The following DHX33 variants were observed in gnomAD, a reference collection of about 807,000 sequenced individuals.
The protein encoded by DHX33 is DEAH-box helicase 33.
Under a neutral mutation model 72.5 loss-of-function variants are expected in DHX33, and 42 were observed. That is an observed-to-expected ratio of 0.58 (90% CI 0.45 to 0.75). The LOEUF is 0.75. DHX33 is among the 30% of genes least tolerant of loss of function. The pLI, the probability that DHX33 is intolerant of heterozygous loss-of-function variation, is 0.00. For missense variants in DHX33, 842 were observed against 917.5 expected, an observed-to-expected ratio of 0.92 and a Z score of 1.06; for synonymous variants, 358 against 366.1, an observed-to-expected ratio of 0.98 and a Z score of 0.25.
At chr17:5,468,502 G>A in intron 1 of DHX33, 69 bp downstream of exon 1, 1 of 1,530,856 alleles carries the variant, frequency 6.5e-7, no homozygotes, top group Non-Finnish European at 8.8e-7. Context: ...TGAGAGGCAT[G>A]TAAGAAAAAC....
In DHX33 at chr17:5,468,866, A is replaced by G. The variant is rs1278879245; in HGVS notation, c.-7T>C. The G allele has an allele frequency of 1.3e-6, 2 of 1,551,622 alleles. No homozygotes were observed. Among genetic ancestry groups the G allele is most frequent in the Non-Finnish European group, 8.7e-7 (1 of 1,148,002 alleles). The stretch of plus-strand genomic sequence containing the variant: ...AGCCCGCCTCCTCCGGCATGTCGGG[A>G]GGGCACCGCGGCGGGAGGCGCAAGC... On this transcript the variant is annotated 5_prime_UTR_variant, in exon 1 of 12. Coordinates refer to ENST00000225296, the MANE Select transcript of DHX33 (RefSeq NM_020162.4).
At chr17:5,452,158 T>C (rs1307558484) in intron 8 of DHX33, among the ~76,000 whole-genome samples, 1 of 152,216 alleles carries the variant, frequency 6.6e-6, no homozygotes, top group Non-Finnish European at 1.5e-5. Context: ...CTTATGTATC[T>C]TCTTCATTTG....
intron 11 of DHX33, among the ~76,000 whole-genome samples, chr17:5,446,490 T>C (rs1322179422): frequency 6.6e-6 from 1 of 152,064 alleles, no homozygotes; most frequent in Non-Finnish European, 1.5e-5. Flanking sequence ...ATCTTATAGG[T>C]TGAAATGAGG....
At position 5,443,994 on chromosome 17, in the gene DHX33, A is replaced by G. The variant is rs1203968288; in HGVS notation, c.*211T>C. The G allele has an allele frequency of 7.6e-6, 4 of 528,302 alleles. No homozygotes were observed. The highest frequency in any genetic ancestry group is 3.1e-5 in the East Asian group (1 of 32,718). The allele number at this position is 528,302 out of a possible 1,614,324, so 32.7% of individuals were successfully genotyped here. On this transcript the variant is annotated 3_prime_UTR_variant, in exon 12 of 12. Transcript: ENST00000225296. ...AAGTCACCCAGTAAGAACCAAAAGC[A>G]TAATTTTGAGGTTTCCAGGTACAAA... is the stretch of plus-strand genomic sequence containing the variant.
intron 1 of DHX33, among the ~76,000 whole-genome samples, chr17:5,467,772 C>G (rs1446686062): frequency 6.6e-6 from 1 of 152,152 alleles, no homozygotes; most frequent in Admixed American, 6.5e-5. Flanking sequence ...GTGATAAGCC[C>G]CCTCACCCTA....
intron 11 of DHX33, among the ~76,000 whole-genome samples, chr17:5,445,586 C>T (rs925013336): frequency 5.3e-5 from 8 of 152,234 alleles, no homozygotes; most frequent in African/African-American, 1.4e-4. Context: ...CGCCCCTGGG[C>T]ACAGATGAAC....
At chr17:5,447,003 G>A (rs1018895877) in intron 11 of DHX33, among the ~76,000 whole-genome samples, 1 of 152,232 alleles carries the variant, frequency 6.6e-6, no homozygotes, top group Non-Finnish European at 1.5e-5. Context: ...GGCTGTGACT[G>A]TCTCCCAGCA....
rs1467190031 is a variant in DHX33 at position 5,468,684 on chromosome 17, G to A, written c.176C>T (p.Ser59Leu). 5 of 1,612,308 alleles carry A rather than the reference G, an allele frequency of 3.1e-6. No homozygotes were observed. The highest frequency in any genetic ancestry group is 4.2e-6 in the Non-Finnish European group (5 of 1,179,630). The change falls in exon 1 of 12, where the codon TCG (serine) becomes TTG (leucine). Residue 59 changes from serine (S) to leucine (L), a missense_variant. Physicochemically the swap from Ser to Leu is moderately radical, Grantham distance 145. Transcript: ENST00000225296. ...CACAGCTTCAGGGTAGGGACTGGCC[G>A]AGGGCTGGGCCAGGGGCGGCTGCTG... ...RRQQPPLAQPSASPYPEAVEL... is the reference protein window; with the variant it reads ...RRQQPPLAQPLASPYPEAVEL...
intron 4 of DHX33, among the ~76,000 whole-genome samples, chr17:5,459,296 C>T (rs1442200672): frequency 6.6e-6 from 1 of 151,824 alleles, no homozygotes; most frequent in Non-Finnish European, 1.5e-5. Flanking sequence ...AAATTTTATA[C>T]AAATTAAACA....
Position 5,456,409 on chromosome 17 carries a change from G to T in DHX33, c.850-227C>A, listed in dbSNP as rs550463154. On this transcript the variant is annotated intron_variant, in intron 4 of 11. Transcript: ENST00000225296. Reference sequence around the variant, plus strand: ...CGCCTGTAAACCCAGCACTTTGGGAGGCTGAGGCGGGAGGATCGTTTGCAG... The same window carrying T: ...CGCCTGTAAACCCAGCACTTTGGGATGCTGAGGCGGGAGGATCGTTTGCAG... Among the ~76,000 whole-genome samples, 16 of 152,328 alleles carry T rather than the reference G, an allele frequency of 1.1e-4. No homozygotes were observed. In the South Asian group the frequency reaches 3.3e-3, roughly 32 times the overall value.
In DHX33 at chr17:5,453,988, G is replaced by A. The variant is rs748116727; in HGVS notation, c.1148-8C>T. ...ACACCTCAAGACCACTGTCTGGATGGAGAGTGAGCCCCATTAGTGCTTCAT... is the reference window on the plus strand; with the variant it reads ...ACACCTCAAGACCACTGTCTGGATGAAGAGTGAGCCCCATTAGTGCTTCAT... On this transcript the variant is annotated splice_polypyrimidine_tract_variant and splice_region_variant and intron_variant, in intron 6 of 11. Coordinates refer to ENST00000225296, the MANE Select transcript of DHX33 (RefSeq NM_020162.4). 1.2e-6 allele frequency: 2 copies of A among 1,612,594 alleles called. No individual in the cohort carries two copies. Among genetic ancestry groups the A allele is most frequent in the African/African-American group, 1.3e-5 (1 of 74,908 alleles).
chr17:5,455,210 A>G lies in DHX33; in HGVS notation c.1097T>C (p.Ile366Thr). The change falls in exon 6 of 12, where the codon ATA (isoleucine) becomes ACA (threonine). Residue 366 changes from isoleucine to threonine, a missense_variant. Transcript: ENST00000225296. Reference protein sequence around the residue: ...IAETSITITGIKYVVDTGMVK... With the variant: ...IAETSITITGTKYVVDTGMVK... ...CATGCCCGTGTCAACTACATATTTT[A>G]TTCCTGTAATGGTTATGGAGGTTTC... 6.2e-7 allele frequency: 1 copy of G among 1,614,160 alleles called. No homozygotes were observed. The highest frequency in any genetic ancestry group is 8.5e-7 in the Non-Finnish European group (1 of 1,180,038).
intron 11 of DHX33, among the ~76,000 whole-genome samples, chr17:5,445,359 G>A (rs1049308991): frequency 2.0e-5 from 3 of 152,202 alleles, no homozygotes; most frequent in South Asian, 2.1e-4. Flanking sequence ...GATTACAGGC[G>A]TGAGCCACCG....
chr17:5,451,023 C>T, intron 8 of DHX33, 89 bp from the exon 9 acceptor site: 2 of 1,489,082 alleles, frequency 1.3e-6, no homozygotes, highest in Non-Finnish European at 1.8e-6. Flanking sequence ...TCTGATAATT[C>T]TACATCAAAC....
At chr17:5,468,130 C>T (rs1904959213) in intron 1 of DHX33, among the ~76,000 whole-genome samples, 1 of 152,264 alleles carries the variant, frequency 6.6e-6, no homozygotes, top group South Asian at 2.1e-4. Flanking sequence ...AGTCCCTGCC[C>T]CACAACTCTG....
At chr17:5,455,083 G>A in intron 6 of DHX33, 77 bp downstream of exon 6, 2 of 1,302,918 alleles carry the variant, frequency 1.5e-6, no homozygotes, top group Non-Finnish European at 2.2e-6. Context: ...AAACACTCAG[G>A]GGAAAACTGT....
At chr17:5,447,713 CTG>C (rs1241735403) in intron 11 of DHX33, among the ~76,000 whole-genome samples, 1 of 152,208 alleles carries the variant, frequency 6.6e-6, no homozygotes, top group Non-Finnish European at 1.5e-5. Context: ...GAAATTCATT[CTG>C]TGTGCACCAC....
Position 5,453,563 on chromosome 17 carries a change from CTG to C in DHX33, c.1396+15_1396+16del, listed in dbSNP as rs771062938. On this transcript the variant is annotated intron_variant, in intron 8 of 11. Transcript: ENST00000225296. The stretch of plus-strand genomic sequence containing the variant: ...GTCTCCTCACCCACCTTCTGCAAAA[CTG>C]TGGATTTCACTTACCTGGAGATGGC... 3.7e-5 allele frequency: 60 copies of C among 1,612,000 alleles called. 1 individual carries two copies. Among genetic ancestry groups the C allele is most frequent in the Admixed American group, 1.2e-4 (7 of 60,030 alleles).
At chr17:5,461,607 A>C (rs1361030045) in intron 3 of DHX33, among the ~76,000 whole-genome samples, 1 of 51,048 alleles carries the variant, frequency 2.0e-5, no homozygotes, top group Non-Finnish European at 3.3e-5. Context: ...AACAGAGTGC[A>C]AAAAAAAAAA....
Sources: allele counts gnomAD v4.1 joint callset (sites outside exome capture counted in the v4.1 genomes callset), GRCh38; gene constraint gnomAD v4.1.1; transcripts MANE v1.5; gene names NCBI Gene and HGNC (gene_info 2026-07-23, HGNC 2026-07-21).